CELF2: variants seen among roughly 807,000 people sequenced by gnomAD.
CELF2 encodes CUG triplet repeat RNA-binding protein 2.
A neutral mutation model predicts 62.6 loss-of-function variants in CELF2; 8 were observed. The ratio of observed to expected loss-of-function variants is 0.13; its 90% CI spans 0.07 to 0.23. The LOEUF (loss-of-function observed/expected upper bound fraction) is 0.23. Ranked by LOEUF, CELF2 falls within the 10% of genes least tolerant of loss-of-function variation. The probability of loss-of-function intolerance (pLI) is 1.00; values close to 1 mark genes in which losing one functional copy is unlikely to be tolerated. For synonymous variants in CELF2, 258 were observed against 250.0 expected, an observed-to-expected ratio of 1.03 and a Z score of -0.30; for missense variants, 333 against 671.0, an observed-to-expected ratio of 0.50 and a Z score of 5.56.
intron 3 of CELF2, among the ~76,000 whole-genome samples, chr10:11,235,811 G>C (rs79136392): frequency 0.057 from 8,584 of 151,818 alleles, 327 homozygotes; most frequent in Non-Finnish European, 0.087. Context: ...GTTTTTTTTG[G>C]GGGGTGGGGG....
chr10:10,550,624 C>A, the CELF2 span, among the ~76,000 whole-genome samples: 1 of 151,694 alleles, frequency 6.6e-6, no homozygotes, highest in Admixed American at 6.6e-5. Context: ...TGCTGGGAAT[C>A]ATGATCTGAC....
intron 2 of CELF2, among the ~76,000 whole-genome samples, chr10:10,980,901 A>G (rs1305822916): frequency 1.3e-5 from 2 of 152,192 alleles, no homozygotes; most frequent in Non-Finnish European, 2.9e-5. Flanking sequence ...GATTGCAGGC[A>G]TGAGCCACCA....
At chr10:11,307,634 A>G (rs2094323292) in intron 9 of CELF2, among the ~76,000 whole-genome samples, 1 of 152,196 alleles carries the variant, frequency 6.6e-6, no homozygotes, top group Admixed American at 6.5e-5. Flanking sequence ...CCTCCGTTTA[A>G]ATACAATGAA....
chr10:11,335,124 C>T lies in CELF2; in HGVS notation c.*6071C>T, dbSNP rs1235646142. ...CTTTTCCAAACAAAAGCTAATAACG[C>T]CATACGCATCCACACACTCCCTCCT... On this transcript the variant is annotated 3_prime_UTR_variant, in exon 13 of 13. Coordinates refer to ENST00000633077, the MANE Select transcript of CELF2 (RefSeq NM_001326342.2). This position sits in a 1 kb window ranked among gnomAD's most constrained non-coding sequence, Gnocchi z 5.0. The T allele has an allele frequency of 1.3e-5, 2 of 152,236 alleles. No individual in the cohort carries two copies. Among genetic ancestry groups the T allele is most frequent in the Non-Finnish European group, 2.9e-5 (2 of 68,046 alleles). The allele number at this position is 152,236 out of a possible 1,614,324, so 9.4% of individuals were successfully genotyped here.
the CELF2 span, among the ~76,000 whole-genome samples, chr10:10,648,876 C>T: frequency 6.6e-6 from 1 of 152,144 alleles, no homozygotes; most frequent in South Asian, 2.1e-4. Flanking sequence ...CCATTGGGTT[C>T]AATAAGTGAA....
At chr10:10,689,403 C>T in the CELF2 span, among the ~76,000 whole-genome samples, 1 of 152,160 alleles carries the variant, frequency 6.6e-6, no homozygotes, top group Non-Finnish European at 1.5e-5. Flanking sequence ...CACCAGGTCC[C>T]TCCCCCAACA....
At chr10:11,275,284 GTC>G (rs921221806) in intron 8 of CELF2, among the ~76,000 whole-genome samples, 164 bp downstream of exon 8, 128 of 149,474 alleles carry the variant, frequency 8.6e-4, no homozygotes, top group African/African-American at 3.0e-3. Context: ...GCTCTGAAGT[GTC>G]TCTGTTATTT....
At chr10:10,783,096 G>T in the CELF2 span, among the ~76,000 whole-genome samples, 1 of 152,072 alleles carries the variant, frequency 6.6e-6, no homozygotes, top group African/African-American at 2.4e-5. Context: ...CTTGTGAAGG[G>T]TTTTCACTCT....
chr10:10,976,406 C>T (rs1262803770), intron 2 of CELF2, among the ~76,000 whole-genome samples: 1 of 152,162 alleles, frequency 6.6e-6, no homozygotes, highest in Non-Finnish European at 1.5e-5. Flanking sequence ...CTGTTGTAGA[C>T]AGAGTCGTTA....
intron 1 of CELF2, among the ~76,000 whole-genome samples, chr10:10,813,371 T>C (rs2056127766): frequency 6.6e-6 from 1 of 152,250 alleles, no homozygotes; most frequent in Non-Finnish European, 1.5e-5. Context: ...TGCTAGTTTT[T>C]CATTCTTATA....
At chr10:11,182,143 C>A (rs941224033) in intron 2 of CELF2, among the ~76,000 whole-genome samples, 5 of 152,232 alleles carry the variant, frequency 3.3e-5, no homozygotes, top group African/African-American at 9.6e-5. Context: ...GAGCAGCGTG[C>A]TCACCTGAAA....
chr10:10,681,869 G>A, the CELF2 span, among the ~76,000 whole-genome samples: 1,392 of 152,254 alleles, frequency 9.1e-3, 23 homozygotes, highest in African/African-American at 0.032. Flanking sequence ...TTGGAACCAA[G>A]TTTGTTTGTA....
intron 2 of CELF2, among the ~76,000 whole-genome samples, chr10:10,961,673 G>T (rs1210813837): frequency 6.6e-6 from 1 of 151,588 alleles, no homozygotes; most frequent in Non-Finnish European, 1.5e-5. Context: ...TTGAGCCCAA[G>T]AGACGGGGCA....
Position 10,957,163 on chromosome 10 carries a change from G to C in CELF2, c.89+37164G>C, listed in dbSNP as rs998297589. ...CCTCTCTTTGCTGTGCCTCTCTGGA[G>C]TTCCTGACATTTCCGCAAATAAGTC... On this transcript the variant is annotated intron_variant, in intron 2 of 13. Transcript: ENST00000636488. This position sits in a 1 kb window ranked among gnomAD's most constrained non-coding sequence, Gnocchi z 4.1. 1.2e-4 allele frequency among the ~76,000 whole-genome samples: 19 copies of C among 152,280 alleles called. No homozygotes were observed. The highest frequency in any genetic ancestry group is 3.4e-4 in the African/African-American group (14 of 41,556).
intron 1 of CELF2, among the ~76,000 whole-genome samples, chr10:10,843,321 C>A (rs1051059425): frequency 6.6e-6 from 1 of 152,010 alleles, no homozygotes; most frequent in South Asian, 2.1e-4. Flanking sequence ...CTAATTATTT[C>A]TTTTCTTCTA....
At position 11,321,551 on chromosome 10, in the gene CELF2, T is replaced by C. The variant is rs1306961802; in HGVS notation, c.1294+165T>C. ...AAAAAAAACTGAAAGCTGGGCATGGTGGCATACACCTGTAGTCGCAGTTAC... is the reference window on the plus strand; with the variant it reads ...AAAAAAAACTGAAAGCTGGGCATGGCGGCATACACCTGTAGTCGCAGTTAC... On this transcript the variant is annotated intron_variant, in intron 11 of 12. Transcript: ENST00000633077. The surrounding 1 kb of genome is among the most constrained non-coding windows in gnomAD (Gnocchi z 6.2). Among the ~76,000 whole-genome samples, 2 of 149,444 alleles carry C rather than the reference T, an allele frequency of 1.3e-5. No homozygotes were observed. Among genetic ancestry groups the C allele is most frequent in the Non-Finnish European group, 3.0e-5 (2 of 67,526 alleles).
chr10:10,844,081 C>G lies in CELF2; in HGVS notation c.53+45264C>G, dbSNP rs563672202. On this transcript the variant is annotated intron_variant, in intron 1 of 13. Coordinates refer to the CELF2 transcript ENST00000636488. ...TCTCTTGGTGATATTTTTTACTTGA[C>G]TTTTCTACTTCCTTTCTCCTATCTT... Among the ~76,000 whole-genome samples the G allele has an allele frequency of 2.6e-5, 4 of 152,128 alleles. No homozygotes were observed. In the South Asian group the frequency reaches 8.3e-4, roughly 32 times the overall value.
rs2076256035 is a variant in CELF2 at position 11,191,384 on chromosome 10, C to A, written c.271+25702C>A. Among the ~76,000 whole-genome samples the A allele has an allele frequency of 6.6e-6, 1 of 152,142 alleles. No homozygotes were observed. Among genetic ancestry groups the A allele is most frequent in the Non-Finnish European group, 1.5e-5 (1 of 68,028 alleles). On this transcript the variant is annotated intron_variant, in intron 2 of 12. Coordinates refer to ENST00000633077, the MANE Select transcript of CELF2 (RefSeq NM_001326342.2). This position sits in a 1 kb window ranked among gnomAD's most constrained non-coding sequence, Gnocchi z 4.1. ...TATAAGGGGCTCCATCACACATGTA[C>A]CCGTCCTCTATTGTGTGGGAGGTAC...
At chr10:10,835,985 G>A (rs2058255843) in intron 1 of CELF2, among the ~76,000 whole-genome samples, 1 of 152,114 alleles carries the variant, frequency 6.6e-6, no homozygotes, top group African/African-American at 2.4e-5. Context: ...TGAAGTGGAG[G>A]GAGGGGAGGT....
Sources: allele counts gnomAD v4.1 joint callset (sites outside exome capture counted in the v4.1 genomes callset), GRCh38; gene constraint gnomAD v4.1.1; non-coding constraint Gnocchi (gnomAD v3.1); transcripts MANE v1.5; gene names NCBI Gene and HGNC (gene_info 2026-07-23, HGNC 2026-07-21).